PDE4B: variants seen among roughly 807,000 people sequenced by gnomAD.
The protein encoded by PDE4B is phosphodiesterase 4B.
A neutral mutation model predicts 82.2 loss-of-function variants in PDE4B; 20 were observed. That is an observed-to-expected ratio of 0.24 (90% CI 0.17 to 0.35). The LOEUF (loss-of-function observed/expected upper bound fraction) is 0.35, where lower values mean the gene tolerates loss of function less well. Among genes scored for constraint, PDE4B ranks in the 10% least tolerant of loss-of-function variants. The pLI is 1.00. For synonymous variants in PDE4B, 320 were observed against 318.9 expected, an observed-to-expected ratio of 1.00 and a Z score of -0.04; for missense variants, 655 against 907.2, an observed-to-expected ratio of 0.72 and a Z score of 3.57.
chr1:66,022,065 T>G (rs1427428046), intron 3 of PDE4B, among the ~76,000 whole-genome samples: 2 of 152,208 alleles, frequency 1.3e-5, no homozygotes, highest in Non-Finnish European at 2.9e-5. Context: ...TTTTATTGTC[T>G]TTGAAGCAAT....
chr1:66,218,912 G>A (rs1057355521), intron 3 of PDE4B, among the ~76,000 whole-genome samples: 10 of 152,024 alleles, frequency 6.6e-5, no homozygotes, highest in African/African-American at 2.2e-4. Flanking sequence ...TTAATTGTGG[G>A]ATTTAATTAT....
At chr1:66,006,356 G>A (rs367973572) in intron 3 of PDE4B, among the ~76,000 whole-genome samples, 1 of 152,110 alleles carries the variant, frequency 6.6e-6, no homozygotes, top group Admixed American at 6.6e-5. Flanking sequence ...CAAACATGAG[G>A]CACCATGCCA....
At chr1:66,172,782 TGTATTA>T (rs1646862160) in intron 3 of PDE4B, among the ~76,000 whole-genome samples, 7 of 10,456 alleles carry the variant, frequency 6.7e-4, no homozygotes, top group African/African-American at 4.3e-3. Context: ...CTTCACATTA[TGTATTA>T]TGTATAAGTT....
chr1:66,306,860 A>G (rs1658314600), intron 7 of PDE4B, among the ~76,000 whole-genome samples: 1 of 152,132 alleles, frequency 6.6e-6, no homozygotes, highest in South Asian at 2.1e-4. Context: ...GAGTTTATAG[A>G]AGTAGAATAA....
intron 3 of PDE4B, among the ~76,000 whole-genome samples, chr1:66,075,928 A>ACAAAAC (rs201673839): frequency 8.1e-3 from 63 of 7,788 alleles, no homozygotes; most frequent in African/African-American, 0.013. Context: ...ACAAAACAAA[A>ACAAAAC]AAAACAAAAC....
chr1:65,803,372 A>T (rs1361392903), intron 1 of PDE4B, among the ~76,000 whole-genome samples: 1 of 152,232 alleles, frequency 6.6e-6, no homozygotes, highest in African/African-American at 2.4e-5. Flanking sequence ...TTCTATAAAT[A>T]GTATTATTAA....
chr1:66,200,084 A>G (rs1355824390), intron 3 of PDE4B, among the ~76,000 whole-genome samples: 4 of 152,150 alleles, frequency 2.6e-5, no homozygotes, highest in Non-Finnish European at 5.9e-5. Flanking sequence ...TTTTCCCAGC[A>G]CCATTTATTA....
intron 1 of PDE4B, among the ~76,000 whole-genome samples, chr1:65,851,220 T>C (rs1174626885): frequency 2.0e-5 from 3 of 152,176 alleles, no homozygotes; most frequent in African/African-American, 7.2e-5. Context: ...TTACAGCAGC[T>C]TTATGGTAAA....
intron 1 of PDE4B, among the ~76,000 whole-genome samples, chr1:65,855,075 CAT>C (rs750087045): frequency 1.2e-4 from 18 of 151,276 alleles, no homozygotes; most frequent in East Asian, 3.9e-4. Flanking sequence ...ATTTCTCTCT[CAT>C]GTGTAAATTT....
intron 3 of PDE4B, among the ~76,000 whole-genome samples, chr1:65,999,944 C>T (rs555756311): frequency 4.4e-4 from 67 of 152,280 alleles, no homozygotes; most frequent in African/African-American, 1.5e-3. Flanking sequence ...AATAGCTGTG[C>T]TCTCTTTCTG....
At chr1:66,311,885 G>A (rs1041709112) in intron 7 of PDE4B, among the ~76,000 whole-genome samples, 5 of 152,184 alleles carry the variant, frequency 3.3e-5, no homozygotes, top group Admixed American at 1.3e-4. Flanking sequence ...CCACTTCCCC[G>A]CTCTGAGCAC....
intron 3 of PDE4B, among the ~76,000 whole-genome samples, chr1:66,037,030 G>A (rs548047042): frequency 1.3e-5 from 2 of 151,656 alleles, no homozygotes; most frequent in South Asian, 4.2e-4. Context: ...CTACTTGGGA[G>A]GCTGAGGCAG....
chr1:65,823,577 T>G (rs868382053), intron 1 of PDE4B, among the ~76,000 whole-genome samples: 1 of 152,106 alleles, frequency 6.6e-6, no homozygotes, highest in African/African-American at 2.4e-5. Context: ...CTCTTTTTAC[T>G]GGTCTCTGAG....
intron 3 of PDE4B, 107 bp downstream of exon 3, chr1:65,918,942 T>A (rs1345554097): frequency 2.8e-6 from 2 of 703,774 alleles, no homozygotes. Flanking sequence ...ATACCTAAGA[T>A]GATTGACATT....
intron 3 of PDE4B, among the ~76,000 whole-genome samples, chr1:65,942,292 C>T (rs1399383234): frequency 1.3e-5 from 2 of 151,946 alleles, no homozygotes; most frequent in African/African-American, 4.8e-5. Flanking sequence ...TCTTTCTATG[C>T]CTGGCTTATT....
chr1:66,340,450 T>C (rs1363343683), intron 8 of PDE4B, among the ~76,000 whole-genome samples: 1 of 152,208 alleles, frequency 6.6e-6, no homozygotes, highest in Non-Finnish European at 1.5e-5. Context: ...ACTTTTTTCC[T>C]TCTGCTAATT....
Position 66,184,956 on chromosome 1 carries a change from A to G in PDE4B, c.282-62504A>G, listed in dbSNP as rs149602190. Among the ~76,000 whole-genome samples, 2,394 of 152,172 alleles carry G rather than the reference A, an allele frequency of 0.016. 117 individuals are homozygous for G. In the East Asian group the frequency reaches 0.18, roughly 12 times the overall value. On this transcript the variant is annotated intron_variant, in intron 3 of 16. Transcript: ENST00000341517. ...TGCACCCATTAACTCGTCATTTAAC[A>G]TTAGGTATATCTCCTAATGCTATCC... is the stretch of plus-strand genomic sequence containing the variant.
intron 3 of PDE4B, among the ~76,000 whole-genome samples, chr1:65,954,195 C>G (rs534679789): frequency 7.2e-5 from 11 of 152,150 alleles, no homozygotes; most frequent in African/African-American, 2.6e-4. Context: ...CTGTGCCTGG[C>G]CTCATTAATT....
intron 3 of PDE4B, among the ~76,000 whole-genome samples, chr1:66,199,468 G>GT (rs1211311549): frequency 6.6e-6 from 1 of 151,770 alleles, no homozygotes; most frequent in East Asian, 1.9e-4. Flanking sequence ...TTGTTTGTTT[G>GT]TTTTTTTCTT....
Sources: allele counts gnomAD v4.1 joint callset (sites outside exome capture counted in the v4.1 genomes callset), GRCh38; gene constraint gnomAD v4.1.1; transcripts MANE v1.5; gene names NCBI Gene and HGNC (gene_info 2026-07-23, HGNC 2026-07-21).